CYP4F22: variants seen among roughly 807,000 people sequenced by gnomAD.
CYP4F22 encodes the protein cytochrome P450 family 4 subfamily F member 22, also known as ultra-long-chain fatty acid omega-hydroxylase.
A neutral mutation model predicts 60.4 loss-of-function variants in CYP4F22; 37 were observed. The observed-to-expected ratio is 0.61, with a 90% CI of 0.47 to 0.81. CYP4F22 has a LOEUF of 0.81. Among genes scored for constraint, CYP4F22 ranks in the 30% least tolerant of loss-of-function variants. The pLI is 0.00. For synonymous variants in CYP4F22, 258 were observed against 280.5 expected, an observed-to-expected ratio of 0.92 and a Z score of 0.80; for missense variants, 655 against 715.0, an observed-to-expected ratio of 0.92 and a Z score of 0.96.
intron 2 of CYP4F22, 73 bp from the exon 3 acceptor site, chr19:15,525,263 G>A: frequency 6.9e-7 from 1 of 1,447,422 alleles, no homozygotes; most frequent in Admixed American, 1.8e-5. Flanking sequence ...CTGTGCACTA[G>A]GCACACCATG....
At chr19:15,515,262 A>G (rs1971140048) in intron 1 of CYP4F22, 1 of 853,878 alleles carries the variant, frequency 1.2e-6, no homozygotes, top group African/African-American at 1.7e-5. Flanking sequence ...GGTATCAGAA[A>G]TTCCAAATTT....
chr19:15,510,966 A>ATATATTT (rs34055543), intron 1 of CYP4F22, among the ~76,000 whole-genome samples: 11 of 103,308 alleles, frequency 1.1e-4, no homozygotes, highest in African/African-American at 3.2e-4. Context: ...ATATATATAT[A>ATATATTT]TTTTTTTTTT....
chr19:15,509,679 T>C (rs1249578544), intron 1 of CYP4F22, among the ~76,000 whole-genome samples: 1 of 152,130 alleles, frequency 6.6e-6, no homozygotes, highest in Non-Finnish European at 1.5e-5. Context: ...AAACAAGCCC[T>C]GTTTGACCCC....
At chr19:15,527,433 C>T (rs1201534906) in intron 3 of CYP4F22, among the ~76,000 whole-genome samples, 1 of 152,246 alleles carries the variant, frequency 6.6e-6, no homozygotes, top group Admixed American at 6.5e-5. Flanking sequence ...TACTCTCTGT[C>T]CAGGTATCCT....
intron 1 of CYP4F22, among the ~76,000 whole-genome samples, chr19:15,520,917 G>T (rs1239621403): frequency 6.6e-6 from 1 of 151,958 alleles, no homozygotes; most frequent in Admixed American, 6.6e-5. Flanking sequence ...ACAGGTGCCC[G>T]CCACCACACC....
chr19:15,543,827 A>T, intron 8 of CYP4F22, 144 bp from the exon 9 acceptor site: 1 of 879,086 alleles, frequency 1.1e-6, no homozygotes. Flanking sequence ...ACCGCACTCC[A>T]GCCTGGGTGA....
intron 4 of CYP4F22, among the ~76,000 whole-genome samples, chr19:15,533,591 CT>C (rs34585637): frequency 3.2e-3 from 294 of 91,454 alleles, no homozygotes; most frequent in Middle Eastern, 9.1e-3. Context: ...CAGTTTCATT[CT>C]TTTTTTTTTT....
At chr19:15,513,754 C>T (rs563763547) in intron 1 of CYP4F22, among the ~76,000 whole-genome samples, 3 of 152,254 alleles carry the variant, frequency 2.0e-5, no homozygotes, top group South Asian at 2.1e-4. Context: ...GCACCCCCCT[C>T]GGTCTCCCAA....
chr19:15,517,591 G>A (rs1971170442), intron 1 of CYP4F22, among the ~76,000 whole-genome samples: 1 of 152,212 alleles, frequency 6.6e-6, no homozygotes, highest in Admixed American at 6.5e-5. Flanking sequence ...ATTCATTCCA[G>A]AAGACATTTC....
At chr19:15,540,237 G>T (rs974343377) in intron 7 of CYP4F22, among the ~76,000 whole-genome samples, 1 of 152,108 alleles carries the variant, frequency 6.6e-6, no homozygotes, top group Non-Finnish European at 1.5e-5. Flanking sequence ...GTTCAAGGCT[G>T]CAGTGAGCTA....
chr19:15,519,400 C>G (rs1971195101), intron 1 of CYP4F22, among the ~76,000 whole-genome samples: 1 of 151,996 alleles, frequency 6.6e-6, no homozygotes, highest in African/African-American at 2.4e-5. Context: ...GTAGCTGGGA[C>G]TACAGGCGCC....
chr19:15,517,062 C>A (rs1302202149), intron 1 of CYP4F22, among the ~76,000 whole-genome samples: 1 of 152,136 alleles, frequency 6.6e-6, no homozygotes, highest in Non-Finnish European at 1.5e-5. Flanking sequence ...CTCAGGCAAT[C>A]CGCCCACCTC....
chr19:15,540,369 A>G, intron 7 of CYP4F22, 81 bp from the exon 8 acceptor site: 2 of 1,548,184 alleles, frequency 1.3e-6, no homozygotes, highest in Non-Finnish European at 1.8e-6. Context: ...CAATGGGGAC[A>G]GGAGGCTTAT....
In CYP4F22 at chr19:15,544,147, C is replaced by G. The variant is rs775358288; in HGVS notation, c.1007-3C>G. 1 of 1,614,168 alleles carries G rather than the reference C, an allele frequency of 6.2e-7. No individual in the cohort carries two copies. Among genetic ancestry groups the G allele is most frequent in the Admixed American group, 1.7e-5 (1 of 60,024 alleles). Reference sequence around the variant, plus strand: ...CCATTCAGATACCCTCATCTCCCTGCAGGTCACGACACAACATCCAGTGGG... The same window carrying G: ...CCATTCAGATACCCTCATCTCCCTGGAGGTCACGACACAACATCCAGTGGG... On this transcript the variant is annotated splice_region_variant and splice_polypyrimidine_tract_variant and intron_variant, in intron 9 of 13. Coordinates refer to ENST00000269703, the MANE Select transcript of CYP4F22 (RefSeq NM_173483.4).
intron 1 of CYP4F22, among the ~76,000 whole-genome samples, chr19:15,509,719 G>A (rs147610926): frequency 8.4e-4 from 128 of 152,100 alleles, no homozygotes; most frequent in African/African-American, 2.9e-3. Flanking sequence ...CGATGTCCCC[G>A]GCATCACCAA....
intron 7 of CYP4F22, among the ~76,000 whole-genome samples, chr19:15,538,946 A>G (rs926798341): frequency 5.9e-5 from 9 of 152,218 alleles, no homozygotes; most frequent in African/African-American, 2.2e-4. Flanking sequence ...GACTGCAATA[A>G]GTGCATGAAA....
intron 8 of CYP4F22, among the ~76,000 whole-genome samples, chr19:15,541,860 C>T (rs1251647029): frequency 3.8e-5 from 5 of 132,014 alleles, no homozygotes; most frequent in East Asian, 4.3e-4. Context: ...AGTGAAACTC[C>T]GTCTCAAAAA....
rs921597977 is a variant in CYP4F22 at position 15,551,563 on chromosome 19, C to A, written c.*92C>A. 10 of 1,436,602 alleles carry A rather than the reference C, an allele frequency of 7.0e-6. No homozygotes were observed. The highest frequency in any genetic ancestry group is 2.4e-4 in the Middle Eastern group (1 of 4,126). 89.0% of individuals were successfully genotyped at this position (1,436,602 alleles called of 1,614,324 possible). ...AAAGATCCCGAGGGCATAGGCCACC[C>A]CCCTCGAAGTTCAGGTTCAGCTCCT... On this transcript the variant is annotated 3_prime_UTR_variant, in exon 14 of 14. Transcript: ENST00000269703.
At chr19:15,541,884 G>GA (rs1046921420) in intron 8 of CYP4F22, among the ~76,000 whole-genome samples, 24 of 141,228 alleles carry the variant, frequency 1.7e-4, no homozygotes, top group African/African-American at 5.9e-4. Flanking sequence ...AAAAAAAAAA[G>GA]AAAAAAAAGA....
Sources: allele counts gnomAD v4.1 joint callset (sites outside exome capture counted in the v4.1 genomes callset), GRCh38; gene constraint gnomAD v4.1.1; transcripts MANE v1.5; gene names NCBI Gene and HGNC (gene_info 2026-07-23, HGNC 2026-07-21).